PARP10: variants seen among roughly 807,000 people sequenced by gnomAD.
The protein encoded by PARP10 is poly(ADP-ribose) polymerase family member 10.
PARP10 carries 56 observed loss-of-function variants against 82.4 expected under a neutral mutation model. The ratio of observed to expected loss-of-function variants is 0.68; its 90% CI spans 0.55 to 0.85. The LOEUF (loss-of-function observed/expected upper bound fraction) is 0.85. Ranked by LOEUF, PARP10 falls within the 40% of genes least tolerant of loss-of-function variation. The probability of loss-of-function intolerance (pLI) is 0.00; values close to 1 mark genes in which losing one functional copy is unlikely to be tolerated. For missense variants in PARP10, 1,227 were observed against 1,379.4 expected, an observed-to-expected ratio of 0.89 and a Z score of 1.75; for synonymous variants, 576 against 601.1, an observed-to-expected ratio of 0.96 and a Z score of 0.61.
At chr8:144,007,834 C>T (rs544105582) in intron 1 of PARP10, among the ~76,000 whole-genome samples, 2 of 152,186 alleles carry the variant, frequency 1.3e-5, no homozygotes, top group Non-Finnish European at 2.9e-5. Context: ...TGGGAGAGCC[C>T]AGGTACTTGA....
At chr8:143,997,149 C>G (rs533537040) in intron 1 of PARP10, among the ~76,000 whole-genome samples, 20 of 152,344 alleles carry the variant, frequency 1.3e-4, no homozygotes, top group Admixed American at 2.6e-4. Context: ...TCTACTTTGT[C>G]TAAGGCTTGT....
intron 9 of PARP10, among the ~76,000 whole-genome samples, chr8:143,979,006 T>A (rs1243797542): frequency 6.6e-6 from 1 of 151,330 alleles, no homozygotes; most frequent in Non-Finnish European, 1.5e-5. Flanking sequence ...GGAGTCTGGC[T>A]GTGTCGCCCA....
chr8:144,011,835 C>A lies in PARP10; in HGVS notation c.-80+695G>T, dbSNP rs1025439914. On this transcript the variant is annotated intron_variant, in intron 1 of 3. Transcript: ENST00000530478. This position sits in a 1 kb window ranked among gnomAD's most constrained non-coding sequence, Gnocchi z 4.5. ...TCCAAGTTATAGAGAGCTCCTGGAC[C>A]AGCAGTAAGATAGAGACTCTGAGCA... Among the ~76,000 whole-genome samples, 2 of 152,040 alleles carry A rather than the reference C, an allele frequency of 1.3e-5. No individual in the cohort carries two copies. The highest frequency in any genetic ancestry group is 2.4e-5 in the African/African-American group (1 of 41,376).
upstream of PARP10, chr8:143,991,418 C>T (rs962412291): frequency 2.9e-6 from 4 of 1,377,812 alleles, no homozygotes; most frequent in Admixed American, 8.5e-5. Flanking sequence ...GCCCCTACCC[C>T]CAAGGGGGCT....
At chr8:144,005,412 G>GT (rs1431574733) in intron 1 of PARP10, among the ~76,000 whole-genome samples, 8 of 152,162 alleles carry the variant, frequency 5.3e-5, no homozygotes, top group African/African-American at 1.9e-4. Context: ...AGAAGTGCTG[G>GT]TAGTGGACTT....
chr8:144,006,057 CT>C (rs1554752065), intron 1 of PARP10, among the ~76,000 whole-genome samples: 1 of 152,186 alleles, frequency 6.6e-6, no homozygotes, highest in African/African-American at 2.4e-5. Context: ...TAGGGCCCCC[CT>C]AACCCCAGTG....
chr8:144,004,952 G>A (rs1834224681), intron 1 of PARP10, among the ~76,000 whole-genome samples: 1 of 152,148 alleles, frequency 6.6e-6, no homozygotes. Context: ...GCCGAGGCGG[G>A]CAGATCACTT....
rs1834225358 is a variant in PARP10 at position 144,005,044 on chromosome 8, TG to T, written c.-80+7485del. Among the ~76,000 whole-genome samples the T allele has an allele frequency of 2.0e-5, 3 of 151,596 alleles. No homozygotes were observed. In the South Asian group the frequency reaches 6.3e-4, roughly 32 times the overall value. The stretch of plus-strand genomic sequence containing the variant: ...AAATACAAACATTAGCCAGGCGTGG[TG>T]GTGGGCGCCTGTAATCCCAGCTACT... On this transcript the variant is annotated intron_variant, in intron 1 of 3. Coordinates refer to the PARP10 transcript ENST00000530478.
At chr8:144,003,236 A>T (rs1564261320) in intron 1 of PARP10, among the ~76,000 whole-genome samples, 1 of 152,114 alleles carries the variant, frequency 6.6e-6, no homozygotes, top group East Asian at 1.9e-4. Context: ...CAGCCTGGCC[A>T]ATAAGGTGAA....
chr8:143,994,047 G>A (rs1469506159), upstream of PARP10, among the ~76,000 whole-genome samples: 5 of 152,212 alleles, frequency 3.3e-5, no homozygotes, highest in Admixed American at 3.3e-4. Flanking sequence ...CTGGGACCTG[G>A]CTGGTCTGAG....
rs369241577 is a variant in PARP10 at position 143,985,101 on chromosome 8, G to C, written c.901C>G (p.Pro301Ala). The stretch of plus-strand genomic sequence containing the variant: ...CTCAGAGAGGCCCCTGACTGCCCTG[G>C]TTCCTCGCCAGAGCCCATTGTCACA... ...GTVTMGSGEE[P>A]GQSGASLRTG... Residue 301 changes from proline (P) to alanine (A), a missense_variant, in exon 5 of 11, where the codon CCA (proline) becomes GCA (alanine). Physicochemically the swap from Pro to Ala is conservative, Grantham distance 27. Transcript: ENST00000313028. 2 of 1,613,910 alleles carry C rather than the reference G, an allele frequency of 1.2e-6. No homozygotes were observed.
At chr8:143,991,884 C>T, upstream of PARP10, 1 of 1,611,290 alleles carries the variant, frequency 6.2e-7, no homozygotes, top group Non-Finnish European at 8.5e-7. Flanking sequence ...CCAGGTGTTC[C>T]TAGTGCTGAC....
chr8:143,983,371 C>G lies in PARP10; in HGVS notation c.2218G>C (p.Gly740Arg), dbSNP rs1554748205. The G allele has an allele frequency of 6.2e-7, 1 of 1,606,118 alleles. No individual in the cohort carries two copies. Among genetic ancestry groups the G allele is most frequent in the Non-Finnish European group, 8.5e-7 (1 of 1,178,866 alleles). ...GCAGGCAGTGTGCGGCGCCAGGGCC[C>G]CACCGTCTCCTCCTGGACGTGGACC... ...LEVHVQEETVGPWRRTLPAEL... is the reference protein window; with the variant it reads ...LEVHVQEETVRPWRRTLPAEL... The change falls in exon 8 of 11, where the codon GGG becomes CGG. Residue 740 changes from glycine to arginine, a missense_variant. Coordinates refer to ENST00000313028, the MANE Select transcript of PARP10 (RefSeq NM_032789.5).
At chr8:143,991,751 T>C (rs1554750545), upstream of PARP10, 1 of 1,613,796 alleles carries the variant, frequency 6.2e-7, no homozygotes, top group African/African-American at 1.3e-5. Context: ...CAACCAGGAC[T>C]TCCCTGCCAC....
rs782115637 is a variant in PARP10 at position 143,985,434 on chromosome 8, A to C, written c.651T>G (p.Val217=). ...CACCTTGCCACTGCTGGAAGGAGGC[A>C]ACAGTGCCCAGGGGCCCGGGTAGGC... ...LQRLPGPLGT[V]ASFQQWQVAE... is the part of the protein sequence containing the mutation. The change falls in exon 4 of 11, where the codon GTT becomes GTG. Residue 217 remains valine (V), a synonymous_variant. Coordinates refer to ENST00000313028, the MANE Select transcript of PARP10 (RefSeq NM_032789.5). The C allele has an allele frequency of 1.9e-5, 31 of 1,611,202 alleles. 1 individual carries two copies. The South Asian group carries it at 3.4e-4, about 18-fold the overall frequency.
At chr8:143,991,173 C>T (rs373039569), upstream of PARP10, 2 of 1,385,164 alleles carry the variant, frequency 1.4e-6, no homozygotes, top group African/African-American at 1.5e-5. Context: ...GCCAACTGTT[C>T]CACTGTTCCT....
chr8:143,981,263 G>T (rs564190374), intron 9 of PARP10, among the ~76,000 whole-genome samples: 1 of 152,346 alleles, frequency 6.6e-6, no homozygotes, highest in East Asian at 1.9e-4. Context: ...TGACAGTGGT[G>T]ATGCTAATGG....
rs1134027 is a variant in PARP10 at position 143,977,246 on chromosome 8, G to A, written c.*238C>T. Reference sequence around the variant, plus strand: ...CGAGGTCTGGGAGCGGCGGGCGGGCGGTGTCGCCTCCTGGGCTCTGCTGAC... The same window carrying A: ...CGAGGTCTGGGAGCGGCGGGCGGGCAGTGTCGCCTCCTGGGCTCTGCTGAC... On this transcript the variant is annotated 3_prime_UTR_variant, in exon 11 of 11. Transcript: ENST00000313028. 0.33 allele frequency: 171,571 copies of A among 519,816 alleles called. 29,984 individuals carry two copies. Among genetic ancestry groups the A allele is most frequent in the Middle Eastern group, 0.37 (759 of 2,046 alleles). 32.2% of individuals were successfully genotyped at this position (519,816 alleles called of 1,614,324 possible).
At chr8:143,990,862 CTCCCACCCG>C (rs1211056042), upstream of PARP10, 1 of 163,540 alleles carries the variant, frequency 6.1e-6, no homozygotes, top group African/African-American at 2.4e-5. This position sits in a 1 kb window ranked among gnomAD's most constrained non-coding sequence, Gnocchi z 5.6. Flanking sequence ...CCGCGCTGAG[CTCCCACCCG>C]GGAGACGCCG....
Sources: gnomAD v4.1 joint callset for allele counts (sites outside exome capture counted in the v4.1 genomes callset) on GRCh38, gnomAD v4.1.1 for gene constraint, Gnocchi (gnomAD v3.1) non-coding constraint, MANE v1.5 for transcripts, NCBI Gene and HGNC (gene_info 2026-07-23, HGNC 2026-07-21) for gene names.